CLEC16A: variants seen among roughly 807,000 people sequenced by gnomAD.
The protein encoded by CLEC16A is C-type lectin domain containing 16A, also known as protein CLEC16A.
A neutral mutation model predicts 109.5 loss-of-function variants in CLEC16A; 51 were observed. The ratio of observed to expected loss-of-function variants is 0.47; its 90% confidence interval spans 0.37 to 0.59. CLEC16A has a LOEUF of 0.59. CLEC16A is among the 20% of genes least tolerant of loss of function. The pLI, the probability that CLEC16A is intolerant of heterozygous loss-of-function variation, is 0.00. For synonymous variants in CLEC16A, 673 were observed against 564.2 expected, an observed-to-expected ratio of 1.19 and a Z score of -2.73; for missense variants, 1,339 against 1,394.0, an observed-to-expected ratio of 0.96 and a Z score of 0.63.
At position 11,166,291 on chromosome 16, in the gene CLEC16A, A is replaced by C. The variant is rs368959846; in HGVS notation, c.2642-97A>C. 1.5e-5 allele frequency: 20 copies of C among 1,367,002 alleles called. No homozygotes were observed. In the East Asian group the frequency reaches 1.5e-4, roughly 10 times the overall value. The allele number at this position is 1,367,002 out of a possible 1,614,324, so 84.7% of individuals were successfully genotyped here. A position where few individuals can be genotyped will look rare whatever the true frequency, so the allele number is the denominator to read the frequency against. ...TTCCAGGGAACAGAGCAGGACTTTCAAGGAACTGAGGTTGGGTTGTTCAGT... is the reference window on the plus strand; with the variant it reads ...TTCCAGGGAACAGAGCAGGACTTTCCAGGAACTGAGGTTGGGTTGTTCAGT... On this transcript the variant is annotated intron_variant, in intron 22 of 23. Transcript: ENST00000409790.
intron 9 of CLEC16A, among the ~76,000 whole-genome samples, chr16:10,982,233 AG>A (rs2043362300): frequency 6.6e-6 from 1 of 152,154 alleles, no homozygotes; most frequent in Admixed American, 6.5e-5. Flanking sequence ...GTGTGGGAGC[AG>A]GGCCAGCTTA....
At chr16:11,014,626 A>G (rs571301153) in intron 11 of CLEC16A, among the ~76,000 whole-genome samples, 1 of 152,368 alleles carries the variant, frequency 6.6e-6, no homozygotes, top group East Asian at 1.9e-4. Context: ...CTATTGCTTC[A>G]GTCCCTTCAA....
At chr16:11,140,051 C>T (rs2053751092) in intron 22 of CLEC16A, among the ~76,000 whole-genome samples, 1 of 152,212 alleles carries the variant, frequency 6.6e-6, no homozygotes, top group Admixed American at 6.5e-5. Context: ...GGAGAGGGTG[C>T]CTGCTTCTTC....
At chr16:10,981,889 A>G (rs1596867935) in intron 9 of CLEC16A, among the ~76,000 whole-genome samples, 1 of 152,238 alleles carries the variant, frequency 6.6e-6, no homozygotes, top group South Asian at 2.1e-4. Flanking sequence ...AGTTGTCATG[A>G]CCGAGGCTGG....
intron 17 of CLEC16A, among the ~76,000 whole-genome samples, chr16:11,050,020 C>G (rs970745405): frequency 3.3e-5 from 5 of 152,216 alleles, no homozygotes; most frequent in African/African-American, 1.2e-4. Flanking sequence ...GCAGCTATAA[C>G]AGAATACCAC....
intron 19 of CLEC16A, among the ~76,000 whole-genome samples, chr16:11,094,039 G>C (rs77766995): frequency 2.0e-5 from 3 of 152,188 alleles, no homozygotes; most frequent in African/African-American, 4.8e-5. Context: ...TCATGTGCTT[G>C]TAGAAGCCAT....
intron 19 of CLEC16A, among the ~76,000 whole-genome samples, chr16:11,063,553 A>G (rs1347979860): frequency 6.6e-6 from 1 of 152,106 alleles, no homozygotes; most frequent in Non-Finnish European, 1.5e-5. Context: ...TGCTAGGCTT[A>G]AAGGAGTGCT....
intron 22 of CLEC16A, among the ~76,000 whole-genome samples, chr16:11,135,472 G>GGCCA (rs2053503901): frequency 6.6e-6 from 1 of 152,214 alleles, no homozygotes; most frequent in South Asian, 2.1e-4. Context: ...CAGTAGGCAG[G>GGCCA]GCCAGCCATC....
intron 11 of CLEC16A, among the ~76,000 whole-genome samples, chr16:11,008,525 A>G (rs549686452): frequency 1.1e-3 from 160 of 152,262 alleles, no homozygotes; most frequent in African/African-American, 3.6e-3. Flanking sequence ...GAGGGCCCTC[A>G]GGACTCTCCT....
chr16:11,171,797 C>T (rs887325778), intron 23 of CLEC16A, among the ~76,000 whole-genome samples: 29 of 152,240 alleles, frequency 1.9e-4, no homozygotes, highest in Admixed American at 1.7e-3. Flanking sequence ...CATGCCAATG[C>T]GCATGTTCAT....
intron 19 of CLEC16A, among the ~76,000 whole-genome samples, chr16:11,112,716 C>T (rs546732011): frequency 2.6e-5 from 4 of 152,220 alleles, no homozygotes; most frequent in Admixed American, 6.5e-5. Context: ...AGCAAATTTT[C>T]TCCCCTCCCC....
At chr16:10,957,954 G>A in intron 2 of CLEC16A, 44 bp downstream of exon 2, 2 of 1,592,112 alleles carry the variant, frequency 1.3e-6, no homozygotes, top group East Asian at 2.2e-5. Flanking sequence ...ATTCTTCTTT[G>A]AATGTTTTTC....
At chr16:11,106,232 T>C (rs1458899136) in intron 19 of CLEC16A, among the ~76,000 whole-genome samples, 1 of 152,212 alleles carries the variant, frequency 6.6e-6, no homozygotes, top group Non-Finnish European at 1.5e-5. Context: ...GTTGAAAGAA[T>C]TGTATAGTGA....
At chr16:10,949,580 C>A (rs769271921) in intron 1 of CLEC16A, among the ~76,000 whole-genome samples, 4 of 128,762 alleles carry the variant, frequency 3.1e-5, no homozygotes, top group Non-Finnish European at 4.9e-5. Context: ...GAAGTGAGGA[C>A]CCAAGCTCAG....
intron 3 of CLEC16A, among the ~76,000 whole-genome samples, chr16:10,964,994 G>T (rs2042432911): frequency 6.6e-6 from 1 of 152,098 alleles, no homozygotes. Context: ...GAGAGCTCCG[G>T]AACTTACTCA....
At chr16:11,067,691 G>T (rs2048848276) in intron 19 of CLEC16A, among the ~76,000 whole-genome samples, 1 of 152,190 alleles carries the variant, frequency 6.6e-6, no homozygotes, top group Non-Finnish European at 1.5e-5. Flanking sequence ...CAGTGGAAGA[G>T]ATTTATGGGT....
intron 19 of CLEC16A, among the ~76,000 whole-genome samples, chr16:11,111,695 G>C (rs942387833): frequency 9.2e-5 from 14 of 152,188 alleles, no homozygotes; most frequent in Non-Finnish European, 1.5e-4. Context: ...CTAGTTTGTC[G>C]TAGAAACTCT....
chr16:11,127,080 C>A (rs2052877639), intron 22 of CLEC16A, among the ~76,000 whole-genome samples: 1 of 152,110 alleles, frequency 6.6e-6, no homozygotes, highest in Non-Finnish European at 1.5e-5. Flanking sequence ...AGGAGATGAT[C>A]AAATGAAAAA....
At chr16:11,159,726 T>C (rs2054653542) in intron 22 of CLEC16A, among the ~76,000 whole-genome samples, 1 of 123,448 alleles carries the variant, frequency 8.1e-6, no homozygotes, top group African/African-American at 3.1e-5. Context: ...CCTGTTTTTT[T>C]CCCTGTGGTC....
Sources: gnomAD v4.1 joint callset for allele counts (sites outside exome capture counted in the v4.1 genomes callset) on GRCh38, gnomAD v4.1.1 for gene constraint, MANE v1.5 for transcripts, NCBI Gene and HGNC (gene_info 2026-07-23, HGNC 2026-07-21) for gene names.